Variants in RAD17 observed in about 807,000 individuals in gnomAD.
RAD17 encodes RAD17 checkpoint clamp loader component.
RAD17 carries 31 observed loss-of-function variants against 81.5 expected under a neutral mutation model. The ratio of observed to expected loss-of-function variants is 0.38; its 90% CI spans 0.29 to 0.51. The LOEUF (loss-of-function observed/expected upper bound fraction) is 0.51. Ranked by LOEUF, RAD17 falls within the 20% of genes least tolerant of loss-of-function variation. The pLI is 0.88. For missense variants in RAD17, 681 were observed against 781.2 expected (o/e 0.87, Z 1.53); for synonymous variants, 261 against 266.2 (o/e 0.98, Z 0.19).
At chr5:69,374,217 C>G in intron 5 of RAD17, 130 bp downstream of exon 5, 1 of 847,508 alleles carries the variant, frequency 1.2e-6, no homozygotes, top group Non-Finnish European at 1.8e-6. Context: ...AGAAAAAATT[C>G]TGGATTTTTT....
chr5:69,375,895 TTA>T (rs1367507862), intron 6 of RAD17, among the ~76,000 whole-genome samples: 1 of 152,110 alleles, frequency 6.6e-6, no homozygotes, highest in Non-Finnish European at 1.5e-5. Flanking sequence ...AGGCACTGAC[TTA>T]TGAAGGAGAC....
intron 11 of RAD17, among the ~76,000 whole-genome samples, chr5:69,387,713 C>T (rs569710434): frequency 2.9e-4 from 44 of 152,102 alleles, no homozygotes; most frequent in Non-Finnish European, 4.1e-4. Context: ...AAAAATTAGC[C>T]GGATGTGGTG....
chr5:69,414,273 A>G lies in RAD17; in HGVS notation c.1994A>G (p.Tyr665Cys). Residue 665 changes from tyrosine (Y) to cysteine (C), a missense_variant, in exon 19 of 19, where the codon TAC becomes TGC. By Grantham distance (194) the Tyr-to-Cys change is radical. Coordinates refer to ENST00000354868, the MANE Select transcript of RAD17 (RefSeq NM_133338.3). ...GAAGAAAACATAATAATAGAAGACT[A>G]CGAGAGTGATGGGACATAGAAGCCA... ...DMEENIIIED[Y>C]ESDGT The G allele has an allele frequency of 1.9e-6, 3 of 1,614,118 alleles. No individual in the cohort carries two copies. Among genetic ancestry groups the G allele is most frequent in the Non-Finnish European group, 2.5e-6 (3 of 1,179,952 alleles).
At chr5:69,370,865 CTT>C (rs1168527872) in intron 1 of RAD17, 168 bp from the exon 2 acceptor site, 4 of 236,084 alleles carry the variant, frequency 1.7e-5, no homozygotes, top group Non-Finnish European at 3.4e-5. Flanking sequence ...GTTTGTAGAC[CTT>C]AAACTTTTCT....
intron 6 of RAD17, among the ~76,000 whole-genome samples, chr5:69,377,148 C>T (rs1371851652): frequency 6.6e-6 from 1 of 152,070 alleles, no homozygotes; most frequent in Non-Finnish European, 1.5e-5. Context: ...GTTGGATTTT[C>T]AGTGTCAGCA....
intron 16 of RAD17, among the ~76,000 whole-genome samples, chr5:69,396,977 C>T (rs761763397): frequency 2.0e-4 from 31 of 151,960 alleles, no homozygotes; most frequent in African/African-American, 4.1e-4. Context: ...GGATTACAGG[C>T]GCCAGCCACC....
At chr5:69,400,626 G>GTT (rs34576402) in intron 17 of RAD17, among the ~76,000 whole-genome samples, 87 of 149,530 alleles carry the variant, frequency 5.8e-4, no homozygotes, top group East Asian at 3.1e-3. Flanking sequence ...GATCCTTTAT[G>GTT]TTTTTTTTTT....
At chr5:69,392,141 C>A in intron 13 of RAD17, 128 bp downstream of exon 13, 1 of 710,706 alleles carries the variant, frequency 1.4e-6, no homozygotes, top group Non-Finnish European at 2.2e-6. Context: ...AGGTCAGATA[C>A]TGTTTGCCTA....
intron 17 of RAD17, among the ~76,000 whole-genome samples, chr5:69,402,003 CAAAAA>C (rs1173414879): frequency 7.1e-3 from 319 of 44,906 alleles, no homozygotes; most frequent in South Asian, 0.026. Flanking sequence ...GACTCTGTCT[CAAAAA>C]AAAAAAAAAA....
chr5:69,410,760 G>T (rs1765922060), intron 18 of RAD17, among the ~76,000 whole-genome samples: 1 of 151,812 alleles, frequency 6.6e-6, no homozygotes, highest in Non-Finnish European at 1.5e-5. Flanking sequence ...AGATTAAATG[G>T]AAGCATGGAA....
At chr5:69,391,788 A>T in intron 12 of RAD17, 43 bp from the exon 13 acceptor site, 5 of 1,310,962 alleles carry the variant, frequency 3.8e-6, no homozygotes, top group Non-Finnish European at 5.1e-6. Flanking sequence ...TTTAATTTTC[A>T]TATTTTAATT....
chr5:69,397,638 T>G (rs1312637893), intron 16 of RAD17, among the ~76,000 whole-genome samples: 2 of 152,292 alleles, frequency 1.3e-5, no homozygotes, highest in Middle Eastern at 3.4e-3. Flanking sequence ...TAAACCCTAG[T>G]TCAACCTGAG....
upstream of RAD17, chr5:69,369,558 G>A: frequency 2.5e-6 from 4 of 1,608,670 alleles, no homozygotes; most frequent in South Asian, 1.1e-5. Context: ...GGAGCCGGAA[G>A]GGGCGGGCGG....
chr5:69,400,673 C>T (rs1292694645), intron 17 of RAD17, among the ~76,000 whole-genome samples: 4 of 151,234 alleles, frequency 2.6e-5, no homozygotes, highest in African/African-American at 9.7e-5. Context: ...GTGGCTCATG[C>T]CTGTAATCTC....
intron 12 of RAD17, among the ~76,000 whole-genome samples, chr5:69,390,225 T>C (rs1048645134): frequency 6.6e-6 from 1 of 152,206 alleles, no homozygotes; most frequent in Non-Finnish European, 1.5e-5. Flanking sequence ...TATGTTTTTT[T>C]CATTTAATTC....
At chr5:69,374,507 A>T (rs961095778) in intron 5 of RAD17, 121 bp from the exon 6 acceptor site, 9 of 593,996 alleles carry the variant, frequency 1.5e-5, no homozygotes, top group Non-Finnish European at 2.6e-5. Context: ...TCATTTTATT[A>T]TATAGATTGT....
At chr5:69,394,189 T>A (rs918061703) in intron 15 of RAD17, among the ~76,000 whole-genome samples, 1 of 150,972 alleles carries the variant, frequency 6.6e-6, no homozygotes, top group African/African-American at 2.4e-5. Flanking sequence ...CCCCATCTAG[T>A]AGCTGGGACT....
intron 8 of RAD17, among the ~76,000 whole-genome samples, chr5:69,385,230 G>A (rs1764127915): frequency 6.7e-6 from 1 of 149,604 alleles, no homozygotes; most frequent in Non-Finnish European, 1.5e-5. Flanking sequence ...AAAGTGCTGG[G>A]ATTACAGGCG....
Position 69,403,934 on chromosome 5 carries a change from C to CA in RAD17, c.1693+3772dup, listed in dbSNP as rs1554043630. Among the ~76,000 whole-genome samples, 4 of 129,268 alleles carry CA rather than the reference C, an allele frequency of 3.1e-5. No individual in the cohort carries two copies. The East Asian group carries it at 7.1e-4, about 23-fold the overall frequency. 84.8% of individuals were successfully genotyped at this position (129,268 alleles called of 152,430 possible). A position where few individuals can be genotyped will look rare whatever the true frequency, so the allele number is the denominator to read the frequency against. ...GACAGGGTGAGGATGAGACCCTCTC[C>CA]AAAAAAATAAAATAAAATTTCTGAG... On this transcript the variant is annotated intron_variant, in intron 17 of 18. Coordinates refer to ENST00000354868, the MANE Select transcript of RAD17 (RefSeq NM_133338.3).
Sources: gnomAD v4.1 joint callset for allele counts (sites outside exome capture counted in the v4.1 genomes callset) on GRCh38, gnomAD v4.1.1 for gene constraint, MANE v1.5 for transcripts, NCBI Gene and HGNC (gene_info 2026-07-23, HGNC 2026-07-21) for gene names.